Variants in EBF1 observed in about 807,000 individuals in gnomAD.
The protein encoded by EBF1 is EBF transcription factor 1.
Under a neutral mutation model 68.4 loss-of-function variants are expected in EBF1, and 10 were observed. That is an observed-to-expected ratio of 0.15 (90% CI 0.09 to 0.25). The LOEUF is 0.25. EBF1 is among the 10% of genes least tolerant of loss of function. The pLI, the probability that EBF1 is intolerant of heterozygous loss-of-function variation, is 1.00. For missense variants in EBF1, 509 were observed against 794.4 expected (o/e 0.64, Z 4.32); for synonymous variants, 298 against 299.8 (o/e 0.99, Z 0.06).
intron 6 of EBF1, among the ~76,000 whole-genome samples, chr5:158,863,596 T>G (rs1259560329): frequency 1.3e-5 from 2 of 152,190 alleles, no homozygotes; most frequent in Non-Finnish European, 2.9e-5. Flanking sequence ...GAAGACACTC[T>G]AGCTGTAAAC....
chr5:159,085,924 G>T (rs1780565303), intron 4 of EBF1, among the ~76,000 whole-genome samples: 1 of 152,100 alleles, frequency 6.6e-6, no homozygotes, highest in African/African-American at 2.4e-5. Context: ...TCCTCAGAGA[G>T]AACTGTGGTT....
At chr5:158,845,677 A>G (rs988667399) in intron 6 of EBF1, among the ~76,000 whole-genome samples, 6 of 148,660 alleles carry the variant, frequency 4.0e-5, no homozygotes, top group East Asian at 2.0e-4. Context: ...AATGAGAACT[A>G]TAGGTTTCAT....
chr5:158,838,600 CTAA>C (rs1295861896), intron 7 of EBF1, among the ~76,000 whole-genome samples: 2 of 152,140 alleles, frequency 1.3e-5, no homozygotes, highest in Admixed American at 1.3e-4. Flanking sequence ...TTTAATAAGA[CTAA>C]TAAGTCTCAC....
At chr5:158,893,729 C>T (rs1184386770) in intron 6 of EBF1, among the ~76,000 whole-genome samples, 2 of 152,174 alleles carry the variant, frequency 1.3e-5, no homozygotes, top group Non-Finnish European at 2.9e-5. Context: ...AAACACATTT[C>T]CAAGTATATT....
intron 6 of EBF1, among the ~76,000 whole-genome samples, chr5:158,950,909 G>T (rs11744337): frequency 0.022 from 3,377 of 152,274 alleles, 40 homozygotes; most frequent in East Asian, 0.047. Context: ...CTGGCCAATT[G>T]TTGCCATGTG....
intron 7 of EBF1, among the ~76,000 whole-genome samples, chr5:158,827,222 A>G (rs1786362256): frequency 6.6e-6 from 1 of 152,226 alleles, no homozygotes; most frequent in Admixed American, 6.5e-5. Flanking sequence ...GAAGTATCTT[A>G]ATGACCGTAA....
intron 15 of EBF1, among the ~76,000 whole-genome samples, chr5:158,707,410 T>C (rs1200959679): frequency 6.6e-6 from 1 of 152,232 alleles, no homozygotes; most frequent in African/African-American, 2.4e-5. Context: ...AGTGGTGTTC[T>C]GGGGTTTCTT....
intron 15 of EBF1, among the ~76,000 whole-genome samples, chr5:158,706,577 G>A (rs1757925875): frequency 6.6e-6 from 1 of 152,150 alleles, no homozygotes; most frequent in South Asian, 2.1e-4. Flanking sequence ...GTAGAAATAT[G>A]CATGTACTTG....
intron 2 of EBF1, chr5:159,096,632 A>G (rs1410719870): frequency 9.6e-6 from 6 of 622,128 alleles, no homozygotes; most frequent in Non-Finnish European, 1.7e-5. Flanking sequence ...CACACAGGCT[A>G]TCCTCTTTCC....
At chr5:158,765,809 C>T (rs1454712701) in intron 10 of EBF1, among the ~76,000 whole-genome samples, 1 of 152,046 alleles carries the variant, frequency 6.6e-6, no homozygotes, top group African/African-American at 2.4e-5. Context: ...AATATGAGGT[C>T]CATGTAAAAG....
chr5:158,876,036 G>A (rs1188205342), intron 6 of EBF1, among the ~76,000 whole-genome samples: 7 of 152,176 alleles, frequency 4.6e-5, no homozygotes, highest in Admixed American at 4.6e-4. Context: ...AGGAACCTTA[G>A]ATATCTTCTG....
At chr5:158,941,333 G>C in intron 6 of EBF1, 1 of 445,804 alleles carries the variant, frequency 2.2e-6, no homozygotes, top group Non-Finnish European at 4.5e-6. Flanking sequence ...CTTGTAGCAA[G>C]AACCCAGCTT....
intron 6 of EBF1, among the ~76,000 whole-genome samples, chr5:158,936,134 A>G (rs1811970124): frequency 6.6e-6 from 1 of 152,156 alleles, no homozygotes; most frequent in Admixed American, 6.5e-5. Flanking sequence ...ATGCCTTGCT[A>G]CCTCCATTTT....
intron 8 of EBF1, among the ~76,000 whole-genome samples, chr5:158,815,834 T>C (rs759966122): frequency 6.6e-6 from 1 of 152,224 alleles, no homozygotes; most frequent in Non-Finnish European, 1.5e-5. Flanking sequence ...TCTTGACCAC[T>C]TACCACATCC....
chr5:158,886,434 G>C (rs529755828), intron 6 of EBF1, among the ~76,000 whole-genome samples: 1 of 152,298 alleles, frequency 6.6e-6, no homozygotes, highest in South Asian at 2.1e-4. Context: ...GAGTCCAAAG[G>C]ATTCACAAAT....
chr5:158,875,062 C>G (rs1281746454), intron 6 of EBF1, among the ~76,000 whole-genome samples: 1 of 150,706 alleles, frequency 6.6e-6, no homozygotes, highest in Non-Finnish European at 1.5e-5. Context: ...CACATACACA[C>G]ACACACACAC....
At chr5:158,846,999 T>C (rs979975659) in intron 6 of EBF1, among the ~76,000 whole-genome samples, 1 of 152,080 alleles carries the variant, frequency 6.6e-6, no homozygotes, top group African/African-American at 2.4e-5. Context: ...TGGTACCGAG[T>C]TGTGGCACTA....
At chr5:158,951,558 T>C (rs1815996613) in intron 6 of EBF1, among the ~76,000 whole-genome samples, 1 of 152,232 alleles carries the variant, frequency 6.6e-6, no homozygotes, top group South Asian at 2.1e-4. Flanking sequence ...CCCGCCAATG[T>C]GCATTCATAA....
intron 6 of EBF1, among the ~76,000 whole-genome samples, chr5:158,929,034 A>T (rs1385578521): frequency 2.6e-5 from 4 of 152,228 alleles, no homozygotes; most frequent in Non-Finnish European, 5.9e-5. Flanking sequence ...GCTAGAGAAG[A>T]AACCAGGCAG....
Sources: allele counts gnomAD v4.1 joint callset (sites outside exome capture counted in the v4.1 genomes callset), GRCh38; gene constraint gnomAD v4.1.1; transcripts MANE v1.5; gene names NCBI Gene and HGNC (gene_info 2026-07-23, HGNC 2026-07-21).